MAP3K11: variants seen among roughly 807,000 people sequenced by gnomAD.
The protein encoded by MAP3K11 is SH3 domain-containing proline-rich kinase.
A neutral mutation model predicts 84.9 loss-of-function variants in MAP3K11; 46 were observed. That is an observed-to-expected ratio of 0.54 (90% confidence interval 0.43 to 0.69). The LOEUF (loss-of-function observed/expected upper bound fraction) is 0.69. Ranked by LOEUF, MAP3K11 falls within the 30% of genes least tolerant of loss-of-function variation. The pLI is 0.00. For missense variants in MAP3K11, 1,053 were observed against 1,198.3 expected (o/e 0.88, Z 1.79); for synonymous variants, 527 against 514.7 (o/e 1.02, Z -0.32).
At position 65,613,220 on chromosome 11, in the gene MAP3K11, G is replaced by C. The variant is rs781495861; in HGVS notation, c.537C>G (p.Leu179=). 1 of 1,595,854 alleles carries C rather than the reference G, an allele frequency of 6.3e-7. No homozygotes were observed. Among genetic ancestry groups the C allele is most frequent in the East Asian group, 2.2e-5 (1 of 44,652 alleles). Residue 179 remains leucine (L), a synonymous_variant, in exon 1 of 10, where the codon CTC becomes CTG. Transcript: ENST00000309100. The stretch of plus-strand genomic sequence containing the variant: ...TGGGCTCCTCCAGGCACACAGCCTT[G>C]AGGGCAATGATGTTGGGGTGTGCCA... ...AMLAHPNIIA[L]KAVCLEEPNL...
intron 8 of MAP3K11, among the ~76,000 whole-genome samples, chr11:65,602,219 AAAG>A (rs1854463811): frequency 6.7e-6 from 1 of 149,938 alleles, no homozygotes; most frequent in Admixed American, 6.7e-5. Flanking sequence ...AAAAAAAAAA[AAAG>A]CAAGAGAGGC....
intron 8 of MAP3K11, among the ~76,000 whole-genome samples, chr11:65,605,108 C>G (rs1481975574): frequency 1.3e-5 from 2 of 152,186 alleles, no homozygotes; most frequent in African/African-American, 4.8e-5. Flanking sequence ...GGTTACTTCA[C>G]CTCTCAGAGC....
rs1854424499 is a variant in MAP3K11, at chr11:65,599,486, G to A, written c.2114C>T (p.Ser705Phe). Residue 705 changes from serine to phenylalanine, a missense_variant, in exon 9 of 10, where the codon TCC becomes TTC. Transcript: ENST00000309100. ...CAACAGGGGTGCAGGAGTGGGCGGG[G>A]AGTCGGGCGTCTTGAGCGAGAAGCA... ...LICFSLKTPD[S>F]PPTPAPLLLD... is the part of the protein sequence containing the mutation. 9 of 1,502,144 alleles carry A rather than the reference G, an allele frequency of 6.0e-6. No homozygotes were observed. Among genetic ancestry groups the A allele is most frequent in the Non-Finnish European group, 7.9e-6 (9 of 1,132,482 alleles). 93.1% of individuals were successfully genotyped at this position (1,502,144 alleles called of 1,614,324 possible). A position where few individuals can be genotyped will look rare whatever the true frequency, so the allele number is the denominator to read the frequency against.
chr11:65,608,113 ACCCCCAC>A (rs1854533745), intron 2 of MAP3K11, 43 bp from the exon 3 acceptor site: 1 of 1,602,678 alleles, frequency 6.2e-7, no homozygotes, highest in Non-Finnish European at 8.5e-7. Context: ...TTCTCTCCCA[ACCCCCAC>A]CCCCTTACTG....
At chr11:65,608,513 G>T in intron 1 of MAP3K11, 65 bp from the exon 2 acceptor site, 1 of 1,504,818 alleles carries the variant, frequency 6.6e-7, no homozygotes, top group South Asian at 1.2e-5. Flanking sequence ...GTAAGAGCTG[G>T]GAGCAAACTC....
At chr11:65,606,305 A>C (rs1854507247) in intron 6 of MAP3K11, 2 of 489,468 alleles carry the variant, frequency 4.1e-6, no homozygotes, top group Non-Finnish European at 7.1e-6. Context: ...TAATTAGTAC[A>C]GACACTGACA....
At chr11:65,598,649 C>T in intron 9 of MAP3K11, 21 bp from the exon 10 acceptor site, 1 of 1,459,150 alleles carries the variant, frequency 6.9e-7, no homozygotes. Flanking sequence ...ATAGGAGGGG[C>T]ACAGGGTCAA....
intron 9 of MAP3K11, 67 bp from the exon 10 acceptor site, chr11:65,598,695 C>A: frequency 8.2e-7 from 1 of 1,220,802 alleles, no homozygotes; most frequent in Non-Finnish European, 1.1e-6. Flanking sequence ...AAGACACTGT[C>A]CTGCTCTGGG....
At chr11:65,606,621 C>T in intron 6 of MAP3K11, 70 bp downstream of exon 6, 1 of 1,225,674 alleles carries the variant, frequency 8.2e-7, no homozygotes, top group Admixed American at 2.6e-5. Flanking sequence ...GCTCCGCCTC[C>T]AAGAATAAGG....
chr11:65,597,971 C>T lies in MAP3K11; in HGVS notation c.*320G>A, dbSNP rs1273305099. 2.1e-5 allele frequency: 6 copies of T among 289,814 alleles called. No individual in the cohort carries two copies. Among genetic ancestry groups the T allele is most frequent in the Non-Finnish European group, 3.8e-5 (6 of 156,380 alleles). 18.0% of individuals were successfully genotyped at this position (289,814 alleles called of 1,614,324 possible). On this transcript the variant is annotated 3_prime_UTR_variant, in exon 10 of 10. Transcript: ENST00000309100. The stretch of plus-strand genomic sequence containing the variant: ...GTGACAGCTGAGGCCGGCCCCTCTT[C>T]CCTGCACCTCCCCTCCTCCCTGCAT...
intron 1 of MAP3K11, chr11:65,611,225 C>T (rs1308583814): frequency 6.6e-6 from 1 of 152,360 alleles, no homozygotes; most frequent in Non-Finnish European, 1.5e-5. Context: ...AGGGGGAGTC[C>T]TTTTGGGGAG....
chr11:65,603,496 A>G (rs1254784873), intron 8 of MAP3K11, among the ~76,000 whole-genome samples: 1 of 152,256 alleles, frequency 6.6e-6, no homozygotes, highest in Non-Finnish European at 1.5e-5. Flanking sequence ...CCAGCTCTCC[A>G]GGGACCAGAA....
At chr11:65,611,774 T>C (rs760225912) in intron 1 of MAP3K11, 1 of 152,330 alleles carries the variant, frequency 6.6e-6, no homozygotes, top group African/African-American at 2.4e-5. Context: ...AAACAGAAGA[T>C]GGGAGTCCCC....
chr11:65,608,689 C>A, intron 1 of MAP3K11: 1 of 462,274 alleles, frequency 2.2e-6, no homozygotes, highest in East Asian at 4.1e-5. Context: ...GTGATCTTGG[C>A]TCACTGCAAC....
chr11:65,613,438 G>A lies in MAP3K11; in HGVS notation c.319C>T (p.Pro107Ser). 1 of 1,612,322 alleles carries A rather than the reference G, an allele frequency of 6.2e-7. No homozygotes were observed. Among genetic ancestry groups the A allele is most frequent in the Non-Finnish European group, 8.5e-7 (1 of 1,179,528 alleles). Residue 107 changes from proline (P) to serine (S), a missense_variant, in exon 1 of 10, where the codon CCC (proline) becomes TCC (serine). This residue lies in a region of MAP3K11 where 160 missense variants were observed against 167.3 expected (regional missense o/e 0.96). Coordinates refer to ENST00000309100, the MANE Select transcript of MAP3K11 (RefSeq NM_002419.4). ...SNYVSRGGGP[P>S]PCEVASFQEL... ...TGGAAGCTGGCCACCTCGCAGGGGG[G>A]CGGGCCGCCACCCCGAGACACATAG...
Position 65,607,721 on chromosome 11 carries a change from G to T in MAP3K11, c.1165C>A (p.Arg389=). Residue 389 remains arginine, a synonymous_variant, in exon 4 of 10, where the codon CGG becomes AGG. Transcript: ENST00000309100. ...TCCTGCATGGAATGGAAGGAGTCCC[G>T]CGGCATTTCCCGTAGGACCTGTGCC... ...LEAQVLREMP[R]DSFHSMQEGW... is the part of the protein sequence containing the mutation. 1 of 1,613,900 alleles carries T rather than the reference G, an allele frequency of 6.2e-7. No individual in the cohort carries two copies. The highest frequency in any genetic ancestry group is 1.1e-5 in the South Asian group (1 of 91,090).
intron 6 of MAP3K11, chr11:65,606,282 G>A: frequency 1.9e-6 from 1 of 532,658 alleles, no homozygotes; most frequent in South Asian, 3.3e-5. Flanking sequence ...TTGGGCTGAA[G>A]TTTGCTGCTT....
At chr11:65,601,784 G>A (rs2135364679) in intron 8 of MAP3K11, among the ~76,000 whole-genome samples, 1 of 149,376 alleles carries the variant, frequency 6.7e-6, no homozygotes, top group African/African-American at 2.5e-5. Context: ...ATTCTTGTTT[G>A]ATGAAGAATC....
intron 5 of MAP3K11, 177 bp from the exon 6 acceptor site, chr11:65,606,981 C>T (rs1854515965): frequency 1.7e-6 from 1 of 578,994 alleles, no homozygotes; most frequent in Non-Finnish European, 2.9e-6. Context: ...AGGAAAGCTA[C>T]TCGTCTGAGT....
Sources: gnomAD v4.1 joint callset for allele counts (sites outside exome capture counted in the v4.1 genomes callset) on GRCh38, gnomAD v4.1.1 for gene constraint, gnomAD v4.1.1 regional missense constraint, MANE v1.5 for transcripts, NCBI Gene and HGNC (gene_info 2026-07-23, HGNC 2026-07-21) for gene names.